The following NLGN2 variants were observed in gnomAD, a reference collection of about 807,000 sequenced individuals.
NLGN2 encodes neuroligin-2.
Under a neutral mutation model 48.6 loss-of-function variants are expected in NLGN2, and 11 were observed. The ratio of observed to expected loss-of-function variants is 0.23; its 90% CI spans 0.14 to 0.37. The LOEUF (loss-of-function observed/expected upper bound fraction) is 0.37, where lower values mean the gene tolerates loss of function less well. Among genes scored for constraint, NLGN2 ranks in the 10% least tolerant of loss-of-function variants. The pLI is 1.00. For synonymous variants in NLGN2, 548 were observed against 550.0 expected (o/e 1.00, Z 0.05); for missense variants, 801 against 1,225.2 (o/e 0.65, Z 5.17).
chr17:7,413,568 A>G lies in NLGN2; in HGVS notation c.509-776A>G, dbSNP rs1202932507. On this transcript the variant is annotated intron_variant, in intron 2 of 6. Transcript: ENST00000302926. The surrounding 1 kb of genome is among the most constrained non-coding windows in gnomAD (Gnocchi z 4.9). ...CTGGAATTAGTCACCCTTCAGTCCA[A>G]TCTGGAGCAACTCAAGGGCCTGATC... Among the ~76,000 whole-genome samples the G allele has an allele frequency of 2.0e-5, 3 of 152,210 alleles. No individual in the cohort carries two copies. The highest frequency in any genetic ancestry group is 1.3e-4 in the Admixed American group (2 of 15,308).
Position 7,417,059 on chromosome 17 carries a change from C to T in NLGN2, c.1768C>T (p.Arg590Cys). Residue 590 changes from arginine (R) to cysteine (C), a missense_variant, in exon 7 of 7, where the codon CGT (arginine) becomes TGT (cysteine). Physicochemically the swap from Arg to Cys is radical, Grantham distance 180 (BLOSUM62 -3). Transcript: ENST00000302926. The stretch of plus-strand genomic sequence containing the variant: ...GCACATAGGCCTGAAGCCACGCGTG[C>T]GTGACAACTACCGCGCCAACAAGGT... ...YLHIGLKPRV[R>C]DNYRANKVAF... 2.5e-6 allele frequency: 4 copies of T among 1,614,052 alleles called. No homozygotes were observed. Among genetic ancestry groups the T allele is most frequent in the Non-Finnish European group, 3.4e-6 (4 of 1,180,032 alleles).
chr17:7,407,260 G>C (rs1906684182), upstream of NLGN2, among the ~76,000 whole-genome samples: 1 of 152,138 alleles, frequency 6.6e-6, no homozygotes, highest in South Asian at 2.1e-4. Flanking sequence ...CCGTCACCCG[G>C]CAACCGGCTG....
rs1179837117 is a variant in NLGN2, at chr17:7,411,780, C to G, written c.458-377C>G. ...TGGGTGGGCTTCCCCTCCCCTCCCA[C>G]CCCACCTCTAACACTGTTTCATTTC... On this transcript the variant is annotated intron_variant, in intron 1 of 6. Coordinates refer to ENST00000302926, the MANE Select transcript of NLGN2 (RefSeq NM_020795.4). The surrounding 1 kb of genome is among the most constrained non-coding windows in gnomAD (Gnocchi z 4.5). Among the ~76,000 whole-genome samples the G allele has an allele frequency of 1.3e-5, 2 of 151,698 alleles. No homozygotes were observed. The highest frequency in any genetic ancestry group is 3.9e-4 in the East Asian group (2 of 5,152).
chr17:7,415,740 G>A lies in NLGN2; in HGVS notation c.1267G>A (p.Gly423Ser). 1 of 1,614,268 alleles carries A rather than the reference G, an allele frequency of 6.2e-7. No individual in the cohort carries two copies. Among genetic ancestry groups the A allele is most frequent in the Non-Finnish European group, 8.5e-7 (1 of 1,180,044 alleles). The part of the protein sequence containing the change: ...FVDNLYGYPE[G>S]KDVLRETIKF... ...GGACAACCTGTATGGCTACCCGGAA[G>A]GCAAGGATGTGCTTCGGGAGACCAT... Residue 423 changes from glycine to serine, a missense_variant, in exon 6 of 7, where the codon GGC becomes AGC. Physicochemically the swap from Gly to Ser is moderately conservative, Grantham distance 56 (BLOSUM62 0). This residue lies in a region of NLGN2 where 303 missense variants were observed against 600.1 expected (regional missense o/e 0.50). Coordinates refer to ENST00000302926, the MANE Select transcript of NLGN2 (RefSeq NM_020795.4).
chr17:7,417,256 C>G lies in NLGN2; in HGVS notation c.1965C>G (p.Pro655=), dbSNP rs755179028. The G allele has an allele frequency of 1.3e-4, 207 of 1,558,232 alleles. No homozygotes were observed. Among genetic ancestry groups the G allele is most frequent in the Non-Finnish European group, 1.7e-4 (196 of 1,155,360 alleles). ...CCACCCTGCCTCCCGAGCCCGAGCC[C>G]GAGCCCGGCCCAAGGGCCTATGACC... is the stretch of plus-strand genomic sequence containing the variant. ...PPATLPPEPE[P]EPGPRAYDRF... Residue 655 remains proline (P), a synonymous_variant, in exon 7 of 7, where the codon CCC becomes CCG. Coordinates refer to ENST00000302926, the MANE Select transcript of NLGN2 (RefSeq NM_020795.4).
chr17:7,407,676 C>T, upstream of NLGN2, among the ~76,000 whole-genome samples: 1 of 152,132 alleles, frequency 6.6e-6, no homozygotes, highest in Non-Finnish European at 1.5e-5. Context: ...GATACATCAG[C>T]TGGAAGGGAG....
chr17:7,414,268 G>T, intron 2 of NLGN2, 76 bp from the exon 3 acceptor site: 1 of 1,398,466 alleles, frequency 7.2e-7, no homozygotes. Flanking sequence ...CCTGGGAGCT[G>T]GGCGCTGCTG....
In NLGN2 at chr17:7,417,228, C is replaced by T. The variant is rs773920098; in HGVS notation, c.1937C>T (p.Pro646Leu). ...GAPGTRRPPP[P>L]ATLPPEPEPE... is the part of the protein sequence containing the mutation. ...CCGGGCACACGCCGGCCCCCGCCGC[C>T]TGCCACCCTGCCTCCCGAGCCCGAG... The change falls in exon 7 of 7, where the codon CCT becomes CTT. Residue 646 changes from proline to leucine, a missense_variant. Pro to Leu is a moderately conservative substitution (Grantham distance 98). Around this residue, in one of 5 missense-constraint regions of NLGN2, gnomAD observed 276 missense variants for 313.9 expected, o/e 0.88. Coordinates refer to ENST00000302926, the MANE Select transcript of NLGN2 (RefSeq NM_020795.4). 6.5e-7 allele frequency: 1 copy of T among 1,536,704 alleles called. No homozygotes were observed. The highest frequency in any genetic ancestry group is 8.7e-7 in the Non-Finnish European group (1 of 1,145,364).
chr17:7,417,822 T>TC lies in NLGN2; in HGVS notation c.*27dup. On this transcript the variant is annotated 3_prime_UTR_variant, in exon 7 of 7. Coordinates refer to ENST00000302926, the MANE Select transcript of NLGN2 (RefSeq NM_020795.4). ...TAGGGGGTGGGTGGGGAGGCCCTCCTCCCCGGCCCTCCCTGGCCCGGCCAC... is the reference window on the plus strand; with the variant it reads ...TAGGGGGTGGGTGGGGAGGCCCTCCTCCCCCGGCCCTCCCTGGCCCGGCCAC... 7.5e-7 allele frequency: 1 copy of TC among 1,332,942 alleles called. No individual in the cohort carries two copies. Among genetic ancestry groups the TC allele is most frequent in the East Asian group, 3.0e-5 (1 of 33,390 alleles). The allele number at this position is 1,332,942 out of a possible 1,614,324, so 82.6% of individuals were successfully genotyped here.
rs147912306 is a variant in NLGN2, at chr17:7,410,838, G to A, written c.458-1319G>A. On this transcript the variant is annotated intron_variant, in intron 1 of 6. Coordinates refer to ENST00000302926, the MANE Select transcript of NLGN2 (RefSeq NM_020795.4). ...GGCGCGCGCGCGCACACACACACGC[G>A]CTTCATAGACTCACGTGCACACGTG... Among the ~76,000 whole-genome samples the A allele has an allele frequency of 2.9e-3, 447 of 152,302 alleles. 3 individuals carry two copies. Among genetic ancestry groups the A allele is most frequent in the African/African-American group, 0.01 (424 of 41,546 alleles).
upstream of NLGN2, chr17:7,405,070 G>A (rs1353181165): frequency 6.6e-6 from 1 of 151,510 alleles, no homozygotes; most frequent in African/African-American, 2.4e-5. The surrounding 1 kb of genome is among the most constrained non-coding windows in gnomAD (Gnocchi z 6.8). Flanking sequence ...CTCTGGACTC[G>A]GCTCCCGCCC....
At chr17:7,405,696 T>TTCCCCCAGCCTGCTC (rs1248433664), upstream of NLGN2, 3 of 154,488 alleles carry the variant, frequency 1.9e-5, no homozygotes, top group African/African-American at 7.2e-5. The surrounding 1 kb of genome is among the most constrained non-coding windows in gnomAD (Gnocchi z 6.8). Flanking sequence ...TGCGCCTGGT[T>TTCCCCCAGCCTGCTC]TCCCCCAGCC....
rs1906865632 is a variant in NLGN2, at chr17:7,411,112, T to TA, written c.458-1045_458-1044insA. Among the ~76,000 whole-genome samples the TA allele has an allele frequency of 1.3e-5, 2 of 152,368 alleles. No homozygotes were observed. The highest frequency in any genetic ancestry group is 4.1e-4 in the South Asian group (2 of 4,830). The stretch of plus-strand genomic sequence containing the variant: ...CAACCCCGTAATCTGGAAGAAGCCC[T>TA]GACACTGGGCGAACCTGGTGCTCCC... On this transcript the variant is annotated intron_variant, in intron 1 of 6. Coordinates refer to ENST00000302926, the MANE Select transcript of NLGN2 (RefSeq NM_020795.4). This position sits in a 1 kb window ranked among gnomAD's most constrained non-coding sequence, Gnocchi z 4.5.
chr17:7,408,849 A>G lies in NLGN2; in HGVS notation c.457+137A>G. 1 of 1,472,060 alleles carries G rather than the reference A, an allele frequency of 6.8e-7. No homozygotes were observed. The highest frequency in any genetic ancestry group is 1.2e-5 in the South Asian group (1 of 84,190). 91.2% of individuals were successfully genotyped at this position (1,472,060 alleles called of 1,614,324 possible). On this transcript the variant is annotated intron_variant, in intron 1 of 6. Transcript: ENST00000302926. This position sits in a 1 kb window ranked among gnomAD's most constrained non-coding sequence, Gnocchi z 7.5. ...GCAGTGAGGGACGGAGTGTCCCTGC[A>G]ACCTCTACGTGCCCCCTGAGGATTG...
In NLGN2 at chr17:7,417,512, G is replaced by C; in HGVS notation, c.2221G>C (p.Glu741Gln). ...AAGRELPPEE[E>Q]LVSLQLKRGG... ...GGGCCGTGAGCTGCCACCAGAGGAG[G>C]AGCTGGTGTCACTGCAGCTGAAGCG... Residue 741 changes from glutamate (E) to glutamine (Q), a missense_variant, in exon 7 of 7, where the codon GAG (glutamate) becomes CAG (glutamine). Glu to Gln is a conservative substitution (Grantham distance 29, BLOSUM62 2). This residue lies in a region of NLGN2 where 276 missense variants were observed against 313.9 expected (regional missense o/e 0.88). Transcript: ENST00000302926. 6.6e-7 allele frequency: 1 copy of C among 1,508,296 alleles called. No homozygotes were observed. Among genetic ancestry groups the C allele is most frequent in the East Asian group, 2.5e-5 (1 of 40,074 alleles). 93.4% of individuals were successfully genotyped at this position (1,508,296 alleles called of 1,614,324 possible). A position where few individuals can be genotyped will look rare whatever the true frequency, so the allele number is the denominator to read the frequency against.
In NLGN2 at chr17:7,413,797, G is replaced by C. The variant is rs776181959; in HGVS notation, c.509-547G>C. The stretch of plus-strand genomic sequence containing the variant: ...AGGTGACCTAGAAAGGAATTAGGGC[G>C]GGGAGGAGACCAAGCCCCAGGGACC... On this transcript the variant is annotated intron_variant, in intron 2 of 6. Coordinates refer to ENST00000302926, the MANE Select transcript of NLGN2 (RefSeq NM_020795.4). The surrounding 1 kb of genome is among the most constrained non-coding windows in gnomAD (Gnocchi z 4.9). 1.3e-5 allele frequency among the ~76,000 whole-genome samples: 2 copies of C among 152,012 alleles called. No individual in the cohort carries two copies. The highest frequency in any genetic ancestry group is 2.4e-5 in the African/African-American group (1 of 41,380).
Position 7,414,992 on chromosome 17 carries a change from C to G in NLGN2, c.881C>G (p.Ala294Gly). ...AAGGCCATCGCCCAGAGTGGCACCG[C>G]CATTTCCAGCTGGTCTGTCAACTAC... ...FQKAIAQSGTAISSWSVNYQP... is the reference protein window; with the variant it reads ...FQKAIAQSGTGISSWSVNYQP... Residue 294 changes from alanine to glycine, a missense_variant, in exon 5 of 7, where the codon GCC (alanine) becomes GGC (glycine). Transcript: ENST00000302926. 1 of 1,612,568 alleles carries G rather than the reference C, an allele frequency of 6.2e-7. No individual in the cohort carries two copies. The highest frequency in any genetic ancestry group is 8.5e-7 in the Non-Finnish European group (1 of 1,180,038).
intron 2 of NLGN2, among the ~76,000 whole-genome samples, chr17:7,412,917 T>C (rs28577188): frequency 6.7e-6 from 1 of 149,874 alleles, no homozygotes; most frequent in African/African-American, 2.4e-5. Flanking sequence ...TTCTTTCTTC[T>C]TTCTTGATCC....
chr17:7,417,352 C>A lies in NLGN2; in HGVS notation c.2061C>A (p.Leu687=). 6.2e-7 allele frequency: 1 copy of A among 1,611,358 alleles called. No homozygotes were observed. The highest frequency in any genetic ancestry group is 1.1e-5 in the South Asian group (1 of 90,740). The part of the protein sequence containing the change: ...SVTVAVGASL[L]FLNILAFAAL... ...CCGTGGCCGTGGGTGCCTCCCTCCT[C>A]TTCCTCAACATCCTGGCCTTTGCTG... is the stretch of plus-strand genomic sequence containing the variant. Residue 687 remains leucine (L), a synonymous_variant, in exon 7 of 7, where the codon CTC becomes CTA. Coordinates refer to ENST00000302926, the MANE Select transcript of NLGN2 (RefSeq NM_020795.4).
Sources: gnomAD v4.1 joint callset for allele counts (sites outside exome capture counted in the v4.1 genomes callset) on GRCh38, gnomAD v4.1.1 for gene constraint, gnomAD v4.1.1 regional missense constraint, Gnocchi (gnomAD v3.1) non-coding constraint, MANE v1.5 for transcripts, NCBI Gene and HGNC (gene_info 2026-07-23, HGNC 2026-07-21) for gene names.